The following COL26A1 variants were observed in gnomAD, a reference collection of about 807,000 sequenced individuals.
COL26A1 encodes the protein collagen type XXVI alpha 1 chain.
COL26A1 carries 41 observed loss-of-function variants against 59.3 expected under a neutral mutation model. The observed-to-expected ratio is 0.69, with a 90% CI of 0.54 to 0.90. COL26A1 has a LOEUF of 0.90. COL26A1 is among the 40% of genes least tolerant of loss of function. The pLI is 0.00. For missense variants in COL26A1, 612 were observed against 602.3 expected, an observed-to-expected ratio of 1.02 and a Z score of -0.17; for synonymous variants, 266 against 256.0, an observed-to-expected ratio of 1.04 and a Z score of -0.37.
In COL26A1 at chr7:101,533,126, A is replaced by G. The variant is rs774739592; in HGVS notation, c.430A>G (p.Thr144Ala). ...GCTCAGTGACATGAGTGAGCGACTG[A>G]CCACACTGGAGGCCAAGGTCAGTCG... Reference protein sequence around the residue: ...TRLSDMSERLTTLEAKVLLLE... With the variant: ...TRLSDMSERLATLEAKVLLLE... The change falls in exon 4 of 13, where the codon ACC becomes GCC. Residue 144 changes from threonine to alanine, a missense_variant. Physicochemically the swap from Thr to Ala is moderately conservative, Grantham distance 58. Coordinates refer to ENST00000313669, the MANE Select transcript of COL26A1 (RefSeq NM_001278563.3). 4.4e-6 allele frequency: 7 copies of G among 1,606,340 alleles called. No individual in the cohort carries two copies. The highest frequency in any genetic ancestry group is 5.1e-6 in the Non-Finnish European group (6 of 1,177,480).
chr7:101,527,294 T>C (rs1373902192), intron 3 of COL26A1, among the ~76,000 whole-genome samples: 1 of 152,014 alleles, frequency 6.6e-6, no homozygotes, highest in African/African-American at 2.4e-5. Flanking sequence ...TATGTCTCTG[T>C]CTGTCTCTTT....
chr7:101,405,446 C>A (rs574965836), intron 1 of COL26A1, among the ~76,000 whole-genome samples: 2 of 152,082 alleles, frequency 1.3e-5, no homozygotes, highest in Non-Finnish European at 2.9e-5. Context: ...GTGATCCTCC[C>A]ACCTCAGCTC....
chr7:101,553,870 T>C (rs925922978), intron 11 of COL26A1, among the ~76,000 whole-genome samples: 8 of 151,544 alleles, frequency 5.3e-5, no homozygotes, highest in African/African-American at 1.9e-4. Context: ...GGAGAGAAGA[T>C]TGGAGCAAGC....
intron 3 of COL26A1, among the ~76,000 whole-genome samples, chr7:101,526,739 C>G (rs1455543811): frequency 2.0e-5 from 3 of 152,148 alleles, no homozygotes; most frequent in African/African-American, 7.2e-5. Context: ...TGTGGGTGGG[C>G]AGAGCCCGGA....
intron 3 of COL26A1, among the ~76,000 whole-genome samples, chr7:101,501,777 G>A (rs1258344196): frequency 6.6e-6 from 1 of 152,210 alleles, no homozygotes; most frequent in Non-Finnish European, 1.5e-5. Flanking sequence ...TGTGCGCCAT[G>A]GGCTGTGTGT....
At chr7:101,457,980 T>G (rs1043262288) in intron 3 of COL26A1, among the ~76,000 whole-genome samples, 2 of 147,194 alleles carry the variant, frequency 1.4e-5, no homozygotes, top group African/African-American at 5.0e-5. Context: ...CATTGCAACC[T>G]CCGCCTCCTG....
Position 101,391,106 on chromosome 7 carries a change from T to C in COL26A1, c.158+27916T>C, listed in dbSNP as rs530776398. The stretch of plus-strand genomic sequence containing the variant: ...ACAGAGCAGCGGAAGGAAAGGGGGA[T>C]GGGGAGGGCCCCAGCCCTTGAAGCT... On this transcript the variant is annotated intron_variant, in intron 1 of 12. Coordinates refer to ENST00000313669, the MANE Select transcript of COL26A1 (RefSeq NM_001278563.3). Among the ~76,000 whole-genome samples, 138 of 152,272 alleles carry C rather than the reference T, an allele frequency of 9.1e-4. 1 individual carries two copies. The Middle Eastern group carries it at 0.034, about 38-fold the overall frequency.
At chr7:101,377,199 G>T (rs1791338902) in intron 1 of COL26A1, among the ~76,000 whole-genome samples, 2 of 151,940 alleles carry the variant, frequency 1.3e-5, no homozygotes, top group African/African-American at 4.8e-5. Flanking sequence ...TAGAGATGGG[G>T]GTGTCACTAT....
chr7:101,452,418 AG>A (rs1369112169), intron 3 of COL26A1, among the ~76,000 whole-genome samples: 1 of 152,176 alleles, frequency 6.6e-6, no homozygotes, highest in African/African-American at 2.4e-5. Context: ...TCCACCCTCA[AG>A]GGCTTGGCAC....
chr7:101,411,052 G>C (rs946064015), intron 1 of COL26A1, among the ~76,000 whole-genome samples: 1 of 152,166 alleles, frequency 6.6e-6, no homozygotes, highest in Non-Finnish European at 1.5e-5. Context: ...GTGCTGGGGA[G>C]CTGGGCCTGA....
chr7:101,486,006 C>T (rs1178630970), intron 3 of COL26A1, among the ~76,000 whole-genome samples: 1 of 152,034 alleles, frequency 6.6e-6, no homozygotes, highest in Non-Finnish European at 1.5e-5. Context: ...AACCGCGTCT[C>T]TATTGAAAAT....
intron 2 of COL26A1, among the ~76,000 whole-genome samples, chr7:101,429,705 G>C (rs1011885164): frequency 5.5e-5 from 8 of 145,236 alleles, no homozygotes; most frequent in Middle Eastern, 3.9e-3. Context: ...TGATCCTCCT[G>C]CCTCAGCCTC....
intron 3 of COL26A1, among the ~76,000 whole-genome samples, chr7:101,475,655 G>A (rs181535642): frequency 2.0e-5 from 3 of 151,918 alleles, no homozygotes; most frequent in Non-Finnish European, 4.4e-5. Flanking sequence ...GTGTGTTTCC[G>A]TGTTGTTGTG....
At chr7:101,526,900 C>T (rs1795259140) in intron 3 of COL26A1, among the ~76,000 whole-genome samples, 1 of 152,164 alleles carries the variant, frequency 6.6e-6, no homozygotes, top group Non-Finnish European at 1.5e-5. Context: ...ACGGTGAGTT[C>T]CTGGCCAACT....
intron 3 of COL26A1, among the ~76,000 whole-genome samples, chr7:101,504,191 C>T (rs540419258): frequency 6.0e-4 from 92 of 152,272 alleles, no homozygotes; most frequent in Admixed American, 6.0e-3. Flanking sequence ...ACCTCTGTCT[C>T]CTGGGTTCAA....
chr7:101,375,339 TC>T (rs1791289005), intron 1 of COL26A1, among the ~76,000 whole-genome samples: 1 of 152,056 alleles, frequency 6.6e-6, no homozygotes, highest in African/African-American at 2.4e-5. Flanking sequence ...AAGGCTTCTC[TC>T]AGATGGTGTA....
At chr7:101,406,659 T>G (rs968278374) in intron 1 of COL26A1, among the ~76,000 whole-genome samples, 2 of 152,190 alleles carry the variant, frequency 1.3e-5, no homozygotes, top group Non-Finnish European at 2.9e-5. Flanking sequence ...TTAAAAACTT[T>G]CCATGTGTTG....
chr7:101,471,753 T>C (rs1477325776), intron 3 of COL26A1, among the ~76,000 whole-genome samples: 1 of 151,780 alleles, frequency 6.6e-6, no homozygotes, highest in Non-Finnish European at 1.5e-5. Context: ...CTCATTTTTG[T>C]ATTTTTAGTA....
chr7:101,444,141 G>T (rs1177323849), intron 2 of COL26A1, among the ~76,000 whole-genome samples: 1 of 152,024 alleles, frequency 6.6e-6, no homozygotes, highest in South Asian at 2.1e-4. Context: ...GCCTCCCAAA[G>T]TGCTAGGACT....
Sources: allele counts gnomAD v4.1 joint callset (sites outside exome capture counted in the v4.1 genomes callset), GRCh38; gene constraint gnomAD v4.1.1; transcripts MANE v1.5; gene names NCBI Gene and HGNC (gene_info 2026-07-23, HGNC 2026-07-21).